Variants in PRAMEF4 observed in about 807,000 individuals in gnomAD.
PRAMEF4 encodes RP5-845O24.6.
PRAMEF4 carries 18 observed loss-of-function variants against 34.4 expected under a neutral mutation model. The ratio of observed to expected loss-of-function variants is 0.52; its 90% CI spans 0.36 to 0.78. The LOEUF is 0.78. Ranked by LOEUF, PRAMEF4 falls within the 30% of genes least tolerant of loss-of-function variation. The pLI, the probability that PRAMEF4 is intolerant of heterozygous loss-of-function variation, is 0.00. For synonymous variants in PRAMEF4, 156 were observed against 219.3 expected, an observed-to-expected ratio of 0.71 and a Z score of 2.55; for missense variants, 482 against 569.1, an observed-to-expected ratio of 0.85 and a Z score of 1.56.
Position 12,879,864 on chromosome 1 carries a change from A to C in PRAMEF4, c.1117T>G (p.Leu373Val), listed in dbSNP as rs3895134. ...GIIDSQVNAI[L>V]PALSRCFELN... The stretch of plus-strand genomic sequence containing the variant: ...TCAAAGCAGCGGCTCAGGGCAGGCA[A>C]GATGGCGTTGACTTGGGAGTCTATG... Residue 373 changes from leucine (L) to valine (V), a missense_variant, in exon 4 of 4, where the codon TTG becomes GTG. Physicochemically the swap from Leu to Val is conservative, Grantham distance 32. Around this residue, in one of 6 missense-constraint regions of PRAMEF4, gnomAD observed 116 missense variants for 105.2 expected, o/e 1.10. Coordinates refer to ENST00000235349, the MANE Select transcript of PRAMEF4 (RefSeq NM_001009611.4). The C allele has an allele frequency of 3.2e-6, 5 of 1,582,010 alleles. No individual in the cohort carries two copies. The highest frequency in any genetic ancestry group is 4.8e-5 in the East Asian group (2 of 42,086).
intron 3 of PRAMEF4, 103 bp from the exon 4 acceptor site, chr1:12,880,208 G>C (rs1640861650): frequency 6.5e-7 from 1 of 1,534,994 alleles, no homozygotes; most frequent in African/African-American, 1.4e-5. Context: ...TTTTGCCCAA[G>C]TCCAGGGTCA....
In PRAMEF4 at chr1:12,881,938, G is replaced by T. The variant is rs1640896665; in HGVS notation, c.791C>A (p.Thr264Asn). The T allele has an allele frequency of 6.3e-7, 1 of 1,592,816 alleles. No homozygotes were observed. The highest frequency in any genetic ancestry group is 8.5e-7 in the Non-Finnish European group (1 of 1,177,324). Residue 264 changes from threonine (T) to asparagine (N), a missense_variant, in exon 3 of 4, where the codon ACT (threonine) becomes AAT (asparagine). Thr to Asn is a moderately conservative substitution (Grantham distance 65). Transcript: ENST00000235349. ...QKKEIVTQFT[T>N]QFLKLRCLQK... ...GAGGCAGCGCAGCTTGAGGAACTGA[G>T]TGGTGAACTGGGTAACAATCTCCTT...
chr1:12,881,211 T>G (rs1264426277), intron 3 of PRAMEF4, among the ~76,000 whole-genome samples: 1 of 147,328 alleles, frequency 6.8e-6, no homozygotes, highest in Non-Finnish European at 1.5e-5. Flanking sequence ...ACTTAAAATA[T>G]AAAAATTAGC....
chr1:12,881,975 G>A lies in PRAMEF4; in HGVS notation c.754C>T (p.Pro252Ser). Residue 252 changes from proline to serine, a missense_variant, in exon 3 of 4, where the codon CCA becomes TCA. This residue lies in a region of PRAMEF4 where 81 missense variants were observed against 73.1 expected (regional missense o/e 1.11). Transcript: ENST00000235349. The stretch of plus-strand genomic sequence containing the variant: ...GTAACAATCTCCTTCTTCTGCTCTG[G>A]GGAAACGTAGCGAGAGACATCCATG... The part of the protein sequence containing the change: ...SHMDVSRYVS[P>S]EQKKEIVTQF... 2 of 1,587,258 alleles carry A rather than the reference G, an allele frequency of 1.3e-6. No individual in the cohort carries two copies. The highest frequency in any genetic ancestry group is 1.1e-5 in the South Asian group (1 of 90,190).
intron 1 of PRAMEF4, among the ~76,000 whole-genome samples, chr1:12,883,936 CCTCT>C (rs1217876164): frequency 4.3e-5 from 6 of 139,940 alleles, no homozygotes; most frequent in Non-Finnish European, 9.3e-5. Flanking sequence ...TTTCTTTCCC[CCTCT>C]CTCTCCCTTT....
chr1:12,881,418 CA>C (rs1640885098), intron 3 of PRAMEF4, among the ~76,000 whole-genome samples: 1 of 149,078 alleles, frequency 6.7e-6, no homozygotes, highest in Non-Finnish European at 1.5e-5. Flanking sequence ...TCATTTCTGA[CA>C]GGGGTCTTGG....
chr1:12,883,213 C>A lies in PRAMEF4; in HGVS notation c.182G>T (p.Trp61Leu). The change falls in exon 2 of 4, where the codon TGG becomes TTG. Residue 61 changes from tryptophan to leucine, a missense_variant. Coordinates refer to ENST00000235349, the MANE Select transcript of PRAMEF4 (RefSeq NM_001009611.4). ...CCTCAGAGGGAGGCGGCGGAAGGGC[C>A]AGGACTGCACCATCAGCTTCAGGGC... is the stretch of plus-strand genomic sequence containing the variant. ...CEALKLMVQS[W>L]PFRRLPLRPL... 1 of 1,599,606 alleles carries A rather than the reference C, an allele frequency of 6.3e-7. No homozygotes were observed. Among genetic ancestry groups the A allele is most frequent in the Non-Finnish European group, 8.5e-7 (1 of 1,173,206 alleles).
chr1:12,882,114 G>A lies in PRAMEF4; in HGVS notation c.615C>T (p.Asn205=). The A allele has an allele frequency of 2.5e-6, 4 of 1,584,026 alleles. No individual in the cohort carries two copies. Among genetic ancestry groups the A allele is most frequent in the Non-Finnish European group, 3.4e-6 (4 of 1,171,412 alleles). ...RNIRSILKMV[N]LDCIQEVEVN... is the part of the protein sequence containing the mutation. ...CTTCCACCTCCTGGATACAGTCTAG[G>A]TTCACCATTTTCAGGATGCTTCTGA... Residue 205 remains asparagine, a synonymous_variant, in exon 3 of 4, where the codon AAC becomes AAT. Coordinates refer to ENST00000235349, the MANE Select transcript of PRAMEF4 (RefSeq NM_001009611.4).
chr1:12,884,871 T>C lies in PRAMEF4; in HGVS notation c.-17+1276A>G, dbSNP rs2142748. 7.0e-3 allele frequency among the ~76,000 whole-genome samples: 1,038 copies of C among 148,366 alleles called. 19 individuals carry two copies. The highest frequency in any genetic ancestry group is 0.026 in the African/African-American group (995 of 38,802). ...GGGTGAAAGTCCAGGACTCATTCAC[T>C]GATTCCCTTCACAAACATGGAGTTT... On this transcript the variant is annotated intron_variant, in intron 1 of 3. Coordinates refer to ENST00000235349, the MANE Select transcript of PRAMEF4 (RefSeq NM_001009611.4).
intron 1 of PRAMEF4, among the ~76,000 whole-genome samples, chr1:12,884,484 G>A (rs1447946929): frequency 6.7e-6 from 1 of 148,908 alleles, no homozygotes; most frequent in Non-Finnish European, 1.5e-5. Context: ...TGAGGCCGAG[G>A]CAGGTGGATC....
In PRAMEF4 at chr1:12,885,479, C is replaced by A. The variant is rs1405399823; in HGVS notation, c.-17+668G>T. On this transcript the variant is annotated intron_variant, in intron 1 of 3. Transcript: ENST00000235349. ...GGCTCAAGTGATTCTCCCACACCAGCCACCCAAATAGCTGGGACTACAGAT... is the reference window on the plus strand; with the variant it reads ...GGCTCAAGTGATTCTCCCACACCAGACACCCAAATAGCTGGGACTACAGAT... 1.4e-4 allele frequency among the ~76,000 whole-genome samples: 21 copies of A among 149,462 alleles called. 1 individual carries two copies. The highest frequency in any genetic ancestry group is 4.8e-4 in the Admixed American group (7 of 14,582).
chr1:12,883,463 C>A, intron 1 of PRAMEF4, 53 bp from the exon 2 acceptor site: 4 of 1,594,524 alleles, frequency 2.5e-6, no homozygotes, highest in South Asian at 1.1e-5. Flanking sequence ...CAAGCCCATG[C>A]AATCTCATCC....
At chr1:12,885,324 G>A (rs1443642987) in intron 1 of PRAMEF4, among the ~76,000 whole-genome samples, 2 of 149,732 alleles carry the variant, frequency 1.3e-5, no homozygotes, top group Non-Finnish European at 3.0e-5. Flanking sequence ...GGATGTGATT[G>A]GTTTAAAATT....
intron 1 of PRAMEF4, among the ~76,000 whole-genome samples, chr1:12,885,728 G>T (rs55896985): frequency 2.5e-4 from 37 of 146,930 alleles, no homozygotes; most frequent in East Asian, 2.0e-3. Context: ...AAGGTTGCAG[G>T]GAGTTGAGAT....
rs372224107 is a variant in PRAMEF4 at position 12,880,807 on chromosome 1, T to C, written c.876-702A>G. On this transcript the variant is annotated intron_variant, in intron 3 of 3. Transcript: ENST00000235349. ...GGGCGGGCTGCAGGCGTCCCTGACATGCCTGTATCATCAGCAAACCATCTA... is the reference window on the plus strand; with the variant it reads ...GGGCGGGCTGCAGGCGTCCCTGACACGCCTGTATCATCAGCAAACCATCTA... 6.0e-3 allele frequency among the ~76,000 whole-genome samples: 874 copies of C among 145,034 alleles called. 35 individuals carry two copies. The highest frequency in any genetic ancestry group is 0.01 in the Middle Eastern group (3 of 290).
Position 12,879,809 on chromosome 1 carries a change from G to T in PRAMEF4, c.1172C>A (p.Pro391His), listed in dbSNP as rs747229871. 1 of 1,599,950 alleles carries T rather than the reference G, an allele frequency of 6.3e-7. No homozygotes were observed. The highest frequency in any genetic ancestry group is 1.4e-5 in the African/African-American group (1 of 73,254). The change falls in exon 4 of 4, where the codon CCC (proline) becomes CAC (histidine). Residue 391 changes from proline (P) to histidine (H), a missense_variant. Pro to His is a moderately conservative substitution (Grantham distance 77, BLOSUM62 -2). Transcript: ENST00000235349. ...GTTCTCCAGGGTGGCCATGCAGATG[G>T]GATTTCCACAGAAGCTGAAGGTGTT... ...ELNTFSFCGN[P>H]ICMATLENLL...
intron 1 of PRAMEF4, among the ~76,000 whole-genome samples, chr1:12,884,766 C>A (rs1435685699): frequency 6.7e-6 from 1 of 149,536 alleles, no homozygotes; most frequent in African/African-American, 2.5e-5. Context: ...CCCAGTTAAT[C>A]CTTATTGGAT....
chr1:12,884,383 T>C (rs572494769), intron 1 of PRAMEF4, among the ~76,000 whole-genome samples: 2,661 of 143,180 alleles, frequency 0.019, 10 homozygotes, highest in East Asian at 0.1. Context: ...ATTCTCAAGA[T>C]AGATGTTTCC....
Position 12,879,769 on chromosome 1 carries a change from T to C in PRAMEF4, c.1212A>G (p.Thr404=), listed in dbSNP as rs1640850800. 1.2e-6 allele frequency: 2 copies of C among 1,602,626 alleles called. No homozygotes were observed. The highest frequency in any genetic ancestry group is 1.7e-5 in the Admixed American group (1 of 57,810). The change falls in exon 4 of 4, where the codon ACA becomes ACG. Residue 404 remains threonine, a synonymous_variant. Coordinates refer to ENST00000235349, the MANE Select transcript of PRAMEF4 (RefSeq NM_001009611.4). The part of the protein sequence containing the change: ...MATLENLLSH[T]IILKNLCVEL... ...CCACGCATAAGTTTTTGAGTATGATTGTGTGGCTCAGCAGGTTCTCCAGGG... is the reference window on the plus strand; with the variant it reads ...CCACGCATAAGTTTTTGAGTATGATCGTGTGGCTCAGCAGGTTCTCCAGGG...
Sources: allele counts gnomAD v4.1 joint callset (sites outside exome capture counted in the v4.1 genomes callset), GRCh38; gene constraint gnomAD v4.1.1; regional missense constraint gnomAD v4.1.1; transcripts MANE v1.5; gene names NCBI Gene and HGNC (gene_info 2026-07-23, HGNC 2026-07-21).